Variants in RIN3 observed in about 807,000 individuals in gnomAD.
RIN3 encodes Ras and Rab interactor 3, also known as RAB5 interacting protein 3.
Under a neutral mutation model 76.3 loss-of-function variants are expected in RIN3, and 54 were observed. That is an observed-to-expected ratio of 0.71 (90% CI 0.57 to 0.89). The LOEUF is 0.89. Ranked by LOEUF, RIN3 falls within the 40% of genes least tolerant of loss-of-function variation. The pLI is 0.00. For synonymous variants in RIN3, 576 were observed against 564.0 expected, an observed-to-expected ratio of 1.02 and a Z score of -0.30; for missense variants, 1,256 against 1,322.1, an observed-to-expected ratio of 0.95 and a Z score of 0.78.
At position 92,538,943 on chromosome 14, in the gene RIN3, C is replaced by A. The variant is rs566925836; in HGVS notation, c.45-16808C>A. 6.6e-5 allele frequency among the ~76,000 whole-genome samples: 10 copies of A among 151,892 alleles called. No individual in the cohort carries two copies. The South Asian group carries it at 2.1e-3, about 32-fold the overall frequency. ...CAATGCTCCCCTGTACAGGGGAGGA[C>A]CCCCTTCCCACCCTGTCCCCCAGCC... On this transcript the variant is annotated intron_variant, in intron 1 of 9. Coordinates refer to ENST00000216487, the MANE Select transcript of RIN3 (RefSeq NM_024832.5).
chr14:92,538,663 G>C (rs1897065445), intron 1 of RIN3, among the ~76,000 whole-genome samples: 1 of 152,174 alleles, frequency 6.6e-6, no homozygotes. Context: ...ACACTGTGCG[G>C]TCTTAGCCAG....
chr14:92,652,121 G>A lies in RIN3; in HGVS notation c.1072G>A (p.Ala358Thr). ...AGGCCTGGGCCCCCTCAGGGAGGAAGCGATGAAGCCAGGGGCAGCCTCCAG... is the reference window on the plus strand; with the variant it reads ...AGGCCTGGGCCCCCTCAGGGAGGAAACGATGAAGCCAGGGGCAGCCTCCAG... ...TAGLGPLREE[A>T]MKPGAASSPL... is the part of the protein sequence containing the mutation. The change falls in exon 6 of 10, where the codon GCG becomes ACG. Residue 358 changes from alanine to threonine, a missense_variant. Physicochemically the swap from Ala to Thr is moderately conservative, Grantham distance 58 (BLOSUM62 0). Transcript: ENST00000216487. The surrounding 1 kb of genome is among the most constrained non-coding windows in gnomAD (Gnocchi z 6.4). The A allele has an allele frequency of 6.2e-7, 1 of 1,608,316 alleles. No homozygotes were observed.
At chr14:92,679,998 T>A (rs147893809) in intron 8 of RIN3, among the ~76,000 whole-genome samples, 72 of 152,176 alleles carry the variant, frequency 4.7e-4, no homozygotes, top group African/African-American at 1.4e-3. Context: ...TGTTAGTTTG[T>A]TTGGGATGCT....
intron 4 of RIN3, among the ~76,000 whole-genome samples, chr14:92,638,522 G>T (rs1011385121): frequency 2.0e-5 from 3 of 152,200 alleles, no homozygotes; most frequent in African/African-American, 7.2e-5. Context: ...CAGTCAGGGG[G>T]TGGGCACAGA....
intron 2 of RIN3, among the ~76,000 whole-genome samples, chr14:92,566,459 G>A (rs966444838): frequency 6.6e-6 from 1 of 152,178 alleles, no homozygotes; most frequent in Non-Finnish European, 1.5e-5. Context: ...TTGACCACCC[G>A]TGATGTGATG....
chr14:92,682,669 G>C (rs1052683898), intron 8 of RIN3, among the ~76,000 whole-genome samples: 1 of 152,154 alleles, frequency 6.6e-6, no homozygotes, highest in African/African-American at 2.4e-5. Context: ...TCTTTCAAAG[G>C]CTTTCCTGGA....
chr14:92,666,516 G>A (rs796562857), intron 7 of RIN3, among the ~76,000 whole-genome samples: 7 of 152,272 alleles, frequency 4.6e-5, no homozygotes, highest in African/African-American at 1.7e-4. Flanking sequence ...TCGGCAAATT[G>A]GGGAGTTCAC....
chr14:92,545,316 G>A (rs1897235506), intron 1 of RIN3, among the ~76,000 whole-genome samples: 1 of 151,530 alleles, frequency 6.6e-6, no homozygotes, highest in South Asian at 2.1e-4. Flanking sequence ...TTCACCGTGT[G>A]AGCCAGGATG....
At position 92,688,114 on chromosome 14, in the gene RIN3, G is replaced by C. The variant is rs896871459; in HGVS notation, c.2820G>C (p.Pro940=). Residue 940 remains proline (P), a synonymous_variant, in exon 10 of 10, where the codon CCG becomes CCC. Transcript: ENST00000216487. ...RCFQLADDAL[P]HCIKGYLLRS... ...TCCAGCTGGCGGACGACGCGCTGCC[G>C]CACTGCATCAAGGGCTACCTGCTGC... is the stretch of plus-strand genomic sequence containing the variant. The C allele has an allele frequency of 1.2e-6, 2 of 1,608,698 alleles. No individual in the cohort carries two copies. The highest frequency in any genetic ancestry group is 3.3e-5 in the Admixed American group (2 of 59,742).
chr14:92,628,372 G>T (rs559554395), intron 4 of RIN3, among the ~76,000 whole-genome samples: 1 of 152,304 alleles, frequency 6.6e-6, no homozygotes, highest in East Asian at 1.9e-4. Context: ...CTTAGTACTA[G>T]ACCTCATAAC....
chr14:92,514,443 G>GT lies in RIN3; in HGVS notation c.44+467_44+468insT, dbSNP rs1896380528. Reference sequence around the variant, plus strand: ...CTAGAGCCCCGCTGGGCGTGGGGTCGGAGACCCGGACCCCCGCAACTTTGG... The same window carrying GT: ...CTAGAGCCCCGCTGGGCGTGGGGTCGTGAGACCCGGACCCCCGCAACTTTGG... On this transcript the variant is annotated intron_variant, in intron 1 of 9. Transcript: ENST00000216487. This position sits in a 1 kb window ranked among gnomAD's most constrained non-coding sequence, Gnocchi z 7.2. Among the ~76,000 whole-genome samples, 1 of 152,212 alleles carries GT rather than the reference G, an allele frequency of 6.6e-6. No homozygotes were observed. The highest frequency in any genetic ancestry group is 1.5e-5 in the Non-Finnish European group (1 of 68,034).
At chr14:92,540,162 G>A (rs1013196427) in intron 1 of RIN3, among the ~76,000 whole-genome samples, 1 of 152,234 alleles carries the variant, frequency 6.6e-6, no homozygotes, top group South Asian at 2.1e-4. Context: ...ACCCCTTGAT[G>A]TGGGCTGTGA....
chr14:92,605,606 T>C (rs1041517068), intron 3 of RIN3, among the ~76,000 whole-genome samples: 2 of 152,322 alleles, frequency 1.3e-5, no homozygotes, highest in Middle Eastern at 3.4e-3. Context: ...AATGAAGGCA[T>C]GTGTCAATAG....
At chr14:92,650,412 C>T (rs1167857729) in intron 5 of RIN3, among the ~76,000 whole-genome samples, 2 of 152,196 alleles carry the variant, frequency 1.3e-5, no homozygotes, top group Non-Finnish European at 2.9e-5. Flanking sequence ...GCAAGGAGCC[C>T]GTGGGCTCAC....
At chr14:92,544,920 G>A (rs1047468447) in intron 1 of RIN3, among the ~76,000 whole-genome samples, 1 of 151,886 alleles carries the variant, frequency 6.6e-6, no homozygotes, top group Non-Finnish European at 1.5e-5. Flanking sequence ...TCAGTTCAAG[G>A]GCAGCCATCT....
At chr14:92,580,967 T>C (rs1412007860) in intron 3 of RIN3, among the ~76,000 whole-genome samples, 3 of 152,204 alleles carry the variant, frequency 2.0e-5, no homozygotes, top group Non-Finnish European at 4.4e-5. Flanking sequence ...AGTGTAGGGT[T>C]GGGGCAAATC....
rs1887275943 is a variant in RIN3, at chr14:92,648,296, C to T, written c.533-3286C>T. Among the ~76,000 whole-genome samples the T allele has an allele frequency of 6.6e-6, 1 of 152,146 alleles. No homozygotes were observed. Among genetic ancestry groups the T allele is most frequent in the Non-Finnish European group, 1.5e-5 (1 of 68,020 alleles). The stretch of plus-strand genomic sequence containing the variant: ...GGCAGGGAAGCTGTGTCCCAGGTAC[C>T]CAGGCCGAGAGCCTATTTGCCTGAA... On this transcript the variant is annotated intron_variant, in intron 5 of 9. Transcript: ENST00000216487. The surrounding 1 kb of genome is among the most constrained non-coding windows in gnomAD (Gnocchi z 4.1).
chr14:92,661,274 T>C (rs111926260), intron 7 of RIN3, among the ~76,000 whole-genome samples: 29 of 152,330 alleles, frequency 1.9e-4, no homozygotes, highest in African/African-American at 6.5e-4. Flanking sequence ...AGTTTGGCCA[T>C]AGACCAACAG....
Position 92,604,909 on chromosome 14 carries a change from C to CTTTTT in RIN3, c.368-10469_368-10465dup, listed in dbSNP as rs148326639. 4.9e-4 allele frequency among the ~76,000 whole-genome samples: 44 copies of CTTTTT among 90,070 alleles called. 2 individuals are homozygous for CTTTTT. The highest frequency in any genetic ancestry group is 6.4e-4 in the African/African-American group (13 of 20,398). 59.1% of individuals were successfully genotyped at this position (90,070 alleles called of 152,430 possible). A position where few individuals can be genotyped will look rare whatever the true frequency, so the allele number is the denominator to read the frequency against. ...TGTCAATTTCCTTATCCATTTTCCT[C>CTTTTT]TTTTTTTTTTTTTTTTTTTTTTTTT... On this transcript the variant is annotated intron_variant, in intron 3 of 9. Transcript: ENST00000216487.
Sources: allele counts gnomAD v4.1 joint callset (sites outside exome capture counted in the v4.1 genomes callset), GRCh38; gene constraint gnomAD v4.1.1; non-coding constraint Gnocchi (gnomAD v3.1); transcripts MANE v1.5; gene names NCBI Gene and HGNC (gene_info 2026-07-23, HGNC 2026-07-21).